WNT2B: variants seen among roughly 807,000 people sequenced by gnomAD.
WNT2B encodes the protein protein Wnt-2b.
In WNT2B, 19 loss-of-function variants were observed where a neutral mutation model predicts 40.5. That is an observed-to-expected ratio of 0.47 (90% confidence interval 0.33 to 0.69). The LOEUF (loss-of-function observed/expected upper bound fraction) is 0.69, where lower values mean the gene tolerates loss of function less well. WNT2B is among the 30% of genes least tolerant of loss of function. The pLI is 0.02. For synonymous variants in WNT2B, 220 were observed against 211.9 expected (o/e 1.04, Z -0.33); for missense variants, 467 against 556.4 (o/e 0.84, Z 1.62).
intron 1 of WNT2B, among the ~76,000 whole-genome samples, chr1:112,494,078 G>A (rs539327602): frequency 7.3e-5 from 11 of 151,504 alleles, no homozygotes; most frequent in Non-Finnish European, 1.6e-4. Flanking sequence ...GGGAGGCTGA[G>A]GCGGGTGGAT....
Position 112,526,344 on chromosome 1 carries a change from T to A in WNT2B, c.*5835T>A, listed in dbSNP as rs1570821556. On this transcript the variant is annotated 3_prime_UTR_variant, in exon 5 of 5. Transcript: ENST00000369684. ...TCCTAATTCTACTCCTTTTTTCCCC[T>A]TCAGATTAACATTAAAAATTTTATC... is the stretch of plus-strand genomic sequence containing the variant. 2.2e-6 allele frequency: 1 copy of A among 444,792 alleles called. No homozygotes were observed. The highest frequency in any genetic ancestry group is 3.4e-5 in the East Asian group (1 of 29,632). 27.6% of individuals were successfully genotyped at this position (444,792 alleles called of 1,614,324 possible).
intron 1 of WNT2B, among the ~76,000 whole-genome samples, chr1:112,477,500 G>A (rs375256143): frequency 4.3e-4 from 65 of 152,256 alleles, no homozygotes; most frequent in African/African-American, 1.4e-3. Flanking sequence ...ATATTACACC[G>A]CCAAAGGAAC....
At chr1:112,497,255 A>T (rs951638180) in intron 1 of WNT2B, among the ~76,000 whole-genome samples, 35 of 152,110 alleles carry the variant, frequency 2.3e-4, no homozygotes, top group African/African-American at 7.7e-4. Flanking sequence ...TCGTGTGGGG[A>T]TCTCTGTGGC....
At position 112,508,966 on chromosome 1, in the gene WNT2B, C is replaced by T; in HGVS notation, c.-297C>T. The T allele has an allele frequency of 8.1e-7, 1 of 1,234,960 alleles. No individual in the cohort carries two copies. The highest frequency in any genetic ancestry group is 1.0e-6 in the Non-Finnish European group (1 of 989,664). The allele number at this position is 1,234,960 out of a possible 1,614,324, so 76.5% of individuals were successfully genotyped here. A position where few individuals can be genotyped will look rare whatever the true frequency, so the allele number is the denominator to read the frequency against. On this transcript the variant is annotated 5_prime_UTR_variant, in exon 1 of 5. Transcript: ENST00000369684. The surrounding 1 kb of genome is among the most constrained non-coding windows in gnomAD (Gnocchi z 4.2). ...AGCCCGCGGCCGAAGGGGCTGTCCGCACACTAGGCCCGCAGCTCCCTTCAG... is the reference window on the plus strand; with the variant it reads ...AGCCCGCGGCCGAAGGGGCTGTCCGTACACTAGGCCCGCAGCTCCCTTCAG...
intron 1 of WNT2B, among the ~76,000 whole-genome samples, chr1:112,489,215 T>C (rs1028388972): frequency 6.6e-6 from 1 of 151,706 alleles, no homozygotes; most frequent in Non-Finnish European, 1.5e-5. Context: ...CACATCTATA[T>C]AGTAACAAGG....
chr1:112,509,175 G>C lies in WNT2B; in HGVS notation c.-88G>C, dbSNP rs572910855. ...GCCGGCGAACACCATGGCCCCCCAG[G>C]GGGGTGAGGTAGGAGCAGCCTGAGT... is the stretch of plus-strand genomic sequence containing the variant. On this transcript the variant is annotated 5_prime_UTR_variant, in exon 1 of 5. Coordinates refer to ENST00000369684, the MANE Select transcript of WNT2B (RefSeq NM_024494.3). The surrounding 1 kb of genome is among the most constrained non-coding windows in gnomAD (Gnocchi z 4.2). The C allele has an allele frequency of 1.0e-3, 1,462 of 1,395,232 alleles. 10 individuals are homozygous for C. The African/African-American group carries it at 0.02, about 19-fold the overall frequency. 86.4% of individuals were successfully genotyped at this position (1,395,232 alleles called of 1,614,324 possible). A position where few individuals can be genotyped will look rare whatever the true frequency, so the allele number is the denominator to read the frequency against.
At chr1:112,512,002 G>A (rs958501661) in intron 1 of WNT2B, among the ~76,000 whole-genome samples, 3 of 151,896 alleles carry the variant, frequency 2.0e-5, no homozygotes, top group African/African-American at 7.3e-5. Context: ...GGCTAATAGT[G>A]TTATCTCTGT....
chr1:112,502,649 C>A (rs1161723040), intron 1 of WNT2B, among the ~76,000 whole-genome samples: 2 of 152,138 alleles, frequency 1.3e-5, no homozygotes, highest in African/African-American at 2.4e-5. Flanking sequence ...CCTCACCCTC[C>A]GGCTTTTCAT....
Position 112,491,237 on chromosome 1 carries a change from G to A in WNT2B, c.-94-23637G>A, listed in dbSNP as rs564741880. On this transcript the variant is annotated intron_variant, in intron 1 of 4. Transcript: ENST00000256640. ...AGCCTGGCCAACATGGTGAAACTCC[G>A]TCTCTACCAAAAATACAAAAATTAG... Among the ~76,000 whole-genome samples the A allele has an allele frequency of 1.1e-3, 173 of 152,094 alleles. 1 individual carries two copies. The highest frequency in any genetic ancestry group is 7.9e-3 in the South Asian group (38 of 4,798).
intron 1 of WNT2B, among the ~76,000 whole-genome samples, chr1:112,472,559 G>GAAAAAAAAAAAAAAAAAA: frequency 1.1e-5 from 1 of 89,128 alleles, no homozygotes; most frequent in Non-Finnish European, 2.5e-5. Flanking sequence ...CCCAACCAAT[G>GAAAAAAAAAAAAAAAAAA]AAAAAAAAAA....
intron 1 of WNT2B, among the ~76,000 whole-genome samples, chr1:112,477,078 G>C (rs1651074716): frequency 6.6e-6 from 1 of 152,204 alleles, no homozygotes. Flanking sequence ...CCCCAAGCAG[G>C]AATAAGAGAA....
chr1:112,472,761 T>C (rs1650919935), intron 1 of WNT2B, among the ~76,000 whole-genome samples: 1 of 151,854 alleles, frequency 6.6e-6, no homozygotes, highest in Non-Finnish European at 1.5e-5. Context: ...CCTTGAAAAT[T>C]ACTTCAGGGT....
At chr1:112,501,388 A>C (rs1471287425) in intron 1 of WNT2B, among the ~76,000 whole-genome samples, 1 of 152,186 alleles carries the variant, frequency 6.6e-6, no homozygotes, top group Non-Finnish European at 1.5e-5. Context: ...GAAAAAGGTC[A>C]CGATGCATAG....
intron 1 of WNT2B, among the ~76,000 whole-genome samples, chr1:112,468,680 A>T (rs924920230): frequency 6.6e-6 from 1 of 151,800 alleles, no homozygotes; most frequent in Non-Finnish European, 1.5e-5. Context: ...TAGTTGTTTG[A>T]GTTCCTTGTA....
intron 1 of WNT2B, among the ~76,000 whole-genome samples, chr1:112,510,238 C>G (rs542724243): frequency 3.5e-4 from 54 of 152,226 alleles, no homozygotes; most frequent in Non-Finnish European, 4.1e-4. Context: ...CTGGATGTCT[C>G]GTGTCTGTTC....
chr1:112,519,780 TAAGTTA>T (rs1344644116), intron 4 of WNT2B, among the ~76,000 whole-genome samples: 3 of 152,074 alleles, frequency 2.0e-5, no homozygotes, highest in Non-Finnish European at 4.4e-5. Flanking sequence ...TATGAGAAAC[TAAGTTA>T]ATGTTTCATT....
At position 112,521,285 on chromosome 1, in the gene WNT2B, G is replaced by GT. The variant is rs1224680999; in HGVS notation, c.*777dup. On this transcript the variant is annotated 3_prime_UTR_variant, in exon 5 of 5. Transcript: ENST00000369684. The stretch of plus-strand genomic sequence containing the variant: ...AACACTCCTAGGATAGATTAATGTA[G>GT]TAAGTCTGGCTAGGCCTTGTGTTGC... 1.4e-5 allele frequency: 2 copies of GT among 147,572 alleles called. No individual in the cohort carries two copies. The highest frequency in any genetic ancestry group is 5.0e-5 in the African/African-American group (2 of 40,196). 9.1% of individuals were successfully genotyped at this position (147,572 alleles called of 1,614,324 possible). A position where few individuals can be genotyped will look rare whatever the true frequency, so the allele number is the denominator to read the frequency against.
chr1:112,506,419 C>T (rs192360848), upstream of WNT2B, among the ~76,000 whole-genome samples: 54 of 152,308 alleles, frequency 3.5e-4, no homozygotes, highest in African/African-American at 1.1e-3. Context: ...CCCATGTGGG[C>T]GAGTCCACTC....
At chr1:112,483,181 T>TACACACAC (rs58250277) in intron 1 of WNT2B, among the ~76,000 whole-genome samples, 1,424 of 141,166 alleles carry the variant, frequency 0.01, 8 homozygotes, top group African/African-American at 0.013. Flanking sequence ...GCAACATAGA[T>TACACACAC]ACACACACAC....
Sources: gnomAD v4.1 joint callset for allele counts (sites outside exome capture counted in the v4.1 genomes callset) on GRCh38, gnomAD v4.1.1 for gene constraint, Gnocchi (gnomAD v3.1) non-coding constraint, MANE v1.5 for transcripts, NCBI Gene and HGNC (gene_info 2026-07-23, HGNC 2026-07-21) for gene names.